BDH2: variants seen among roughly 807,000 people sequenced by gnomAD.
BDH2 encodes 3-hydroxybutyrate dehydrogenase 2.
In BDH2, 24 loss-of-function variants were observed where a neutral mutation model predicts 33.2. That is an observed-to-expected ratio of 0.72 (90% CI 0.52 to 1.02). BDH2 has a LOEUF of 1.02. BDH2 is among the 50% of genes least tolerant of loss of function. BDH2 has a pLI of 0.00. For synonymous variants in BDH2, 81 were observed against 101.6 expected (o/e 0.80, Z 1.22); for missense variants, 249 against 301.6 (o/e 0.83, Z 1.29).
rs1400760209 is a variant in BDH2, at chr4:103,085,383, G to C, written c.498C>G (p.Ile166Met). Residue 166 changes from isoleucine to methionine, a missense_variant, in exon 7 of 10, where the codon ATC becomes ATG. By Grantham distance (10) the Ile-to-Met change is conservative. Transcript: ENST00000296424. ...GLTKSVAADF[I>M]QQGIRCNCVC... is the part of the protein sequence containing the mutation. ...CACAGTTGCACCTGATGCCCTGCTGGATGAAATCTGCAGCCACAGATTTTG... is the reference window on the plus strand; with the variant it reads ...CACAGTTGCACCTGATGCCCTGCTGCATGAAATCTGCAGCCACAGATTTTG... 1.2e-6 allele frequency: 2 copies of C among 1,611,794 alleles called. No homozygotes were observed. The highest frequency in any genetic ancestry group is 8.5e-7 in the Non-Finnish European group (1 of 1,179,570).
At chr4:103,082,294 A>G (rs1381467036) in intron 8 of BDH2, 121 bp from the exon 9 acceptor site, 1 of 800,576 alleles carries the variant, frequency 1.2e-6, no homozygotes, top group Non-Finnish European at 2.1e-6. Context: ...TGAATAATCA[A>G]CTAGGGTTAT....
Position 103,085,399 on chromosome 4 carries a change from A to G in BDH2, c.482T>C (p.Val161Ala). The G allele has an allele frequency of 6.2e-7, 1 of 1,612,588 alleles. No homozygotes were observed. The highest frequency in any genetic ancestry group is 8.5e-7 in the Non-Finnish European group (1 of 1,179,772). The change falls in exon 7 of 10, where the codon GTG (valine) becomes GCG (alanine). Residue 161 changes from valine to alanine, a missense_variant. Coordinates refer to ENST00000296424, the MANE Select transcript of BDH2 (RefSeq NM_020139.4). ...GCCCTGCTGGATGAAATCTGCAGCC[A>G]CAGATTTTGTGAGGCCAATCACGGC... ...KAAVIGLTKSVAADFIQQGIR... is the reference protein window; with the variant it reads ...KAAVIGLTKSAAADFIQQGIR...
At chr4:103,090,981 T>C (rs1285161148) in intron 5 of BDH2, among the ~76,000 whole-genome samples, 196 bp downstream of exon 5, 1 of 152,222 alleles carries the variant, frequency 6.6e-6, no homozygotes. Context: ...AAGTGCTTAA[T>C]AAATATTCCT....
chr4:103,080,107 T>C lies in BDH2; in HGVS notation c.685-352A>G, dbSNP rs1360858197. On this transcript the variant is annotated intron_variant, in intron 9 of 9. Transcript: ENST00000296424. ...TTTGAAACTCAGAACTATTCAAAAC[T>C]AGCTAAGTTTTATGCCACTAATAAA... 3.9e-5 allele frequency among the ~76,000 whole-genome samples: 6 copies of C among 152,218 alleles called. No individual in the cohort carries two copies. In the East Asian group the frequency reaches 1.2e-3, roughly 29 times the overall value.
intron 8 of BDH2, 23 bp from the exon 9 acceptor site, chr4:103,082,196 A>G: frequency 6.2e-7 from 1 of 1,600,142 alleles, no homozygotes; most frequent in Non-Finnish European, 8.6e-7. Flanking sequence ...ACCATACCAG[A>G]CATTAGTGAT....
chr4:103,079,651 C>G lies in BDH2; in HGVS notation c.*51G>C. 6.4e-7 allele frequency: 1 copy of G among 1,558,646 alleles called. No individual in the cohort carries two copies. Among genetic ancestry groups the G allele is most frequent in the Non-Finnish European group, 8.8e-7 (1 of 1,131,068 alleles). ...GGTGAGTTTTCTTCGTAACCAGGTT[C>G]ACTGTGGATAGGAAGGGCCTGCCTT... On this transcript the variant is annotated 3_prime_UTR_variant, in exon 10 of 10. Coordinates refer to ENST00000296424, the MANE Select transcript of BDH2 (RefSeq NM_020139.4).
chr4:103,080,065 T>C (rs1747433248), intron 9 of BDH2, among the ~76,000 whole-genome samples: 1 of 152,234 alleles, frequency 6.6e-6, no homozygotes, highest in African/African-American at 2.4e-5. Flanking sequence ...GGATATAGGC[T>C]AAAAGCACAT....
intron 5 of BDH2, among the ~76,000 whole-genome samples, chr4:103,089,213 T>G (rs947814728): frequency 1.3e-5 from 2 of 152,230 alleles, no homozygotes; most frequent in East Asian, 1.9e-4. Flanking sequence ...TAGTTAATGA[T>G]ACAGAGGATC....
chr4:103,083,172 T>G (rs1193424818), intron 7 of BDH2, among the ~76,000 whole-genome samples: 3 of 152,244 alleles, frequency 2.0e-5, no homozygotes, highest in Non-Finnish European at 4.4e-5. Flanking sequence ...TCTGGATGAA[T>G]CACCCAGCAT....
At chr4:103,083,502 T>A (rs1329468404) in intron 7 of BDH2, among the ~76,000 whole-genome samples, 1 of 152,206 alleles carries the variant, frequency 6.6e-6, no homozygotes, top group Non-Finnish European at 1.5e-5. Context: ...CAGTTTCAAG[T>A]TTTTAATCAA....
intron 6 of BDH2, chr4:103,086,065 A>G (rs192927412): frequency 2.6e-6 from 3 of 1,142,844 alleles, no homozygotes; most frequent in East Asian, 1.3e-4. Context: ...AGCGCTTTGT[A>G]CAAACCTCTG....
chr4:103,092,620 A>G lies in BDH2; in HGVS notation c.228T>C (p.Asp76=), dbSNP rs1473534265. The change falls in exon 4 of 10, where the codon GAT becomes GAC. Residue 76 remains aspartate (D), a synonymous_variant. Transcript: ENST00000296424. ...DQFANEVERL[D]VLFNVAGFVH... is the part of the protein sequence containing the mutation. ...ATTACCCAGCAACATTAAAGAGAAC[A>G]TCAAGTCTCTCAACTTCATTGGCAA... The G allele has an allele frequency of 6.2e-7, 1 of 1,611,076 alleles. No individual in the cohort carries two copies. The highest frequency in any genetic ancestry group is 2.2e-5 in the East Asian group (1 of 44,828).
intron 3 of BDH2, among the ~76,000 whole-genome samples, chr4:103,092,968 T>C (rs1381927479): frequency 1.3e-5 from 2 of 152,196 alleles, no homozygotes; most frequent in African/African-American, 4.8e-5. Context: ...AATGGCTTTA[T>C]AGTAAAGAAT....
intron 9 of BDH2, 104 bp downstream of exon 9, chr4:103,081,977 G>T: frequency 1.1e-6 from 1 of 881,158 alleles, no homozygotes; most frequent in African/African-American, 1.7e-5. Flanking sequence ...TAGCATCTTA[G>T]CACATATATG....
intron 5 of BDH2, among the ~76,000 whole-genome samples, chr4:103,086,753 A>T (rs1367490780): frequency 1.3e-5 from 2 of 152,198 alleles, no homozygotes; most frequent in Non-Finnish European, 2.9e-5. Context: ...GACTGCACTC[A>T]CTGGCATTTC....
chr4:103,096,212 C>A lies in BDH2; in HGVS notation c.43G>T (p.Ala15Ser), dbSNP rs765679000. The part of the protein sequence containing the change: ...DGKVIILTAA[A>S]QGIGQAAALA... Reference sequence around the variant, plus strand: ...GCAGCTGCTTGGCCAATCCCCTGAGCAGCGGCCGTCAGGATGATGACTTTC... The same window carrying A: ...GCAGCTGCTTGGCCAATCCCCTGAGAAGCGGCCGTCAGGATGATGACTTTC... Residue 15 changes from alanine to serine, a missense_variant, in exon 2 of 10, where the codon GCT (alanine) becomes TCT (serine). By Grantham distance (99) the Ala-to-Ser change is moderately conservative. Transcript: ENST00000296424. 6.2e-7 allele frequency: 1 copy of A among 1,613,828 alleles called. No individual in the cohort carries two copies. The highest frequency in any genetic ancestry group is 1.1e-5 in the South Asian group (1 of 91,032).
In BDH2 at chr4:103,078,284, CGTTT is replaced by C. The variant is rs1439212301; in HGVS notation, c.*1414_*1417del. The stretch of plus-strand genomic sequence containing the variant: ...TTGAAAAATTTATTTTCTTTAATTT[CGTTT>C]GTTTCCTGTTACATAATTTATATTT... On this transcript the variant is annotated 3_prime_UTR_variant, in exon 10 of 10. Transcript: ENST00000296424. Among the ~76,000 whole-genome samples the C allele has an allele frequency of 6.6e-5, 10 of 152,104 alleles. No individual in the cohort carries two copies. Among genetic ancestry groups the C allele is most frequent in the Non-Finnish European group, 1.5e-4 (10 of 68,010 alleles).
chr4:103,091,947 T>C (rs1221983361), intron 4 of BDH2, among the ~76,000 whole-genome samples: 1 of 152,212 alleles, frequency 6.6e-6, no homozygotes, highest in Non-Finnish European at 1.5e-5. Flanking sequence ...GTTAGTTTGT[T>C]GTAAGAGAGA....
chr4:103,095,831 C>T (rs970690251), intron 2 of BDH2, among the ~76,000 whole-genome samples: 10 of 152,122 alleles, frequency 6.6e-5, no homozygotes, highest in African/African-American at 2.2e-4. Context: ...TCTTATAACT[C>T]TGGAGTCATA....
Sources: gnomAD v4.1 joint callset for allele counts (sites outside exome capture counted in the v4.1 genomes callset) on GRCh38, gnomAD v4.1.1 for gene constraint, MANE v1.5 for transcripts, NCBI Gene and HGNC (gene_info 2026-07-23, HGNC 2026-07-21) for gene names.